PCDH11X: variants seen among roughly 807,000 people sequenced by gnomAD.
PCDH11X encodes the protein protocadherin 11 X-linked.
Under a neutral mutation model 53.3 loss-of-function variants are expected in PCDH11X, and 18 were observed. The observed-to-expected ratio is 0.34, with a 90% CI of 0.23 to 0.50. The LOEUF is 0.50. Among genes scored for constraint, PCDH11X ranks in the 20% least tolerant of loss-of-function variants. PCDH11X has a pLI of 0.98. For missense variants in PCDH11X, 570 were observed against 1,032.4 expected (o/e 0.55, Z 6.14); for synonymous variants, 279 against 393.3 (o/e 0.71, Z 3.44).
intron 10 of PCDH11X, among the ~76,000 whole-genome samples, chrX:92,537,794 G>A (rs1485770009): frequency 9.3e-6 from 1 of 107,498 alleles, no homozygotes; most frequent in Non-Finnish European, 1.9e-5. Flanking sequence ...TTATTTTTCC[G>A]ATAATTAACT....
At chrX:92,073,552 C>T (rs941814077) in intron 6 of PCDH11X, among the ~76,000 whole-genome samples, 1 of 112,513 alleles carries the variant, frequency 8.9e-6, no homozygotes, top group Non-Finnish European at 1.9e-5. Context: ...CATGTTTCAT[C>T]CACCTTACCT....
intron 8 of PCDH11X, among the ~76,000 whole-genome samples, chrX:92,381,653 A>C (rs2148565327): frequency 8.9e-6 from 1 of 112,065 alleles, no homozygotes; most frequent in African/African-American, 3.2e-5. Flanking sequence ...CTACAAAATT[A>C]TTCCAACATC....
chrX:92,008,220 A>G (rs1232062724), intron 6 of PCDH11X, among the ~76,000 whole-genome samples: 2 of 110,594 alleles, frequency 1.8e-5, no homozygotes, highest in African/African-American at 3.3e-5. Flanking sequence ...ACTAGGACTC[A>G]CATACACGTT....
intron 8 of PCDH11X, among the ~76,000 whole-genome samples, chrX:92,282,362 C>T (rs1025857602): frequency 1.8e-5 from 2 of 110,844 alleles, no homozygotes; most frequent in African/African-American, 6.5e-5. Flanking sequence ...TAATATCTTC[C>T]AAAAATAATA....
At chrX:91,899,597 T>C (rs760239051) in intron 6 of PCDH11X, among the ~76,000 whole-genome samples, 61 of 110,407 alleles carry the variant, frequency 5.5e-4, no homozygotes, top group Middle Eastern at 4.7e-3. Flanking sequence ...TATATACATA[T>C]AAAATCTTCA....
At chrX:92,363,207 T>C (rs1219856959) in intron 8 of PCDH11X, among the ~76,000 whole-genome samples, 5 of 111,254 alleles carry the variant, frequency 4.5e-5, no homozygotes, top group Non-Finnish European at 9.5e-5. Flanking sequence ...TAGATTTTGA[T>C]AGATATTACA....
intron 10 of PCDH11X, among the ~76,000 whole-genome samples, chrX:92,584,885 G>A (rs1924190123): frequency 2.0e-5 from 2 of 98,943 alleles, no homozygotes; most frequent in Admixed American, 1.2e-4. Flanking sequence ...TCTCTGCCTC[G>A]GGGGTACAAG....
intron 6 of PCDH11X, among the ~76,000 whole-genome samples, chrX:91,954,187 A>T (rs750205986): frequency 9.1e-6 from 1 of 109,650 alleles, no homozygotes; most frequent in South Asian, 4.0e-4. Context: ...CCCATAATTC[A>T]GCTCCCACTT....
At chrX:92,318,305 A>G (rs1366534838) in intron 8 of PCDH11X, among the ~76,000 whole-genome samples, 6 of 111,804 alleles carry the variant, frequency 5.4e-5, no homozygotes, top group Non-Finnish European at 1.9e-5. Flanking sequence ...TTTGTAGCTA[A>G]ACTTGATTTT....
intron 6 of PCDH11X, among the ~76,000 whole-genome samples, chrX:92,182,851 G>T (rs1245313483): frequency 9.0e-6 from 1 of 111,110 alleles, no homozygotes; most frequent in Non-Finnish European, 1.9e-5. Context: ...CAGCATGAAA[G>T]TGGACTAATA....
chrX:92,095,333 T>C (rs983836998), intron 6 of PCDH11X, among the ~76,000 whole-genome samples: 1 of 111,521 alleles, frequency 9.0e-6, no homozygotes, highest in African/African-American at 3.3e-5. Flanking sequence ...CCTAATATTA[T>C]GTTTTTTTCT....
At chrX:92,253,127 T>C (rs1165442203) in intron 7 of PCDH11X, among the ~76,000 whole-genome samples, 3 of 111,872 alleles carry the variant, frequency 2.7e-5, no homozygotes, top group Non-Finnish European at 3.8e-5. Flanking sequence ...TCTTGGGTAA[T>C]AGATCTTTCC....
intron 4 of PCDH11X, among the ~76,000 whole-genome samples, chrX:91,830,872 A>G (rs1407022856): frequency 2.7e-5 from 3 of 111,553 alleles, no homozygotes; most frequent in Non-Finnish European, 5.6e-5. Flanking sequence ...CCATTCACTC[A>G]TGTGTTTGTT....
chrX:91,963,079 A>T (rs2061813954), intron 6 of PCDH11X, among the ~76,000 whole-genome samples: 1 of 111,707 alleles, frequency 9.0e-6, no homozygotes, highest in Admixed American at 9.5e-5. Flanking sequence ...CTCCATTGTC[A>T]TGGCAATTAA....
intron 7 of PCDH11X, among the ~76,000 whole-genome samples, chrX:92,250,480 A>G (rs2148397049): frequency 9.2e-6 from 1 of 109,279 alleles, no homozygotes; most frequent in Admixed American, 9.9e-5. Flanking sequence ...ATGTCCATTC[A>G]GAAACTTGAG....
At chrX:92,138,650 G>A (rs941767373) in intron 6 of PCDH11X, among the ~76,000 whole-genome samples, 58 of 110,119 alleles carry the variant, frequency 5.3e-4, no homozygotes, top group African/African-American at 1.6e-3. Context: ...TCTTATATTC[G>A]TCTTGACTTA....
At chrX:92,247,726 G>A (rs1283505503) in intron 7 of PCDH11X, among the ~76,000 whole-genome samples, 2 of 111,658 alleles carry the variant, frequency 1.8e-5, no homozygotes, top group Non-Finnish European at 3.8e-5. Context: ...TTATAAGGAC[G>A]TCAGTCGTTG....
intron 1 of PCDH11X, among the ~76,000 whole-genome samples, chrX:91,799,497 A>C (rs1296726392): frequency 9.0e-6 from 1 of 111,591 alleles, no homozygotes; most frequent in Non-Finnish European, 1.9e-5. Flanking sequence ...CACAAAAGAA[A>C]GTAGATTTCT....
chrX:92,212,026 T>C (rs2066597528), intron 7 of PCDH11X, among the ~76,000 whole-genome samples: 1 of 99,578 alleles, frequency 1.0e-5, no homozygotes, highest in Admixed American at 1.1e-4. Flanking sequence ...TTTTTTTTTT[T>C]CCTGAGGCAG....
Sources: allele counts gnomAD v4.1 joint callset (sites outside exome capture counted in the v4.1 genomes callset), GRCh38; gene constraint gnomAD v4.1.1; transcripts MANE v1.5; gene names NCBI Gene and HGNC (gene_info 2026-07-23, HGNC 2026-07-21).